IMMP2L: variants seen among roughly 807,000 people sequenced by gnomAD.
IMMP2L encodes mitochondrial inner membrane protease subunit 2.
Under a neutral mutation model 19.3 loss-of-function variants are expected in IMMP2L, and 18 were observed. The ratio of observed to expected loss-of-function variants is 0.93; its 90% confidence interval spans 0.64 to 1.38. IMMP2L has a LOEUF of 1.38. IMMP2L is among the 40% of genes most tolerant of loss of function. IMMP2L has a pLI of 0.00. For synonymous variants in IMMP2L, 76 were observed against 73.0 expected (o/e 1.04, Z -0.21); for missense variants, 233 against 218.2 (o/e 1.07, Z -0.43).
intron 3 of IMMP2L, among the ~76,000 whole-genome samples, chr7:111,462,346 G>A (rs1840207722): frequency 6.6e-6 from 1 of 151,978 alleles, no homozygotes; most frequent in Non-Finnish European, 1.5e-5. Context: ...ACAGCTTTGT[G>A]CCCAATGGTT....
chr7:111,260,169 G>A (rs1817166146), intron 3 of IMMP2L, among the ~76,000 whole-genome samples: 1 of 152,152 alleles, frequency 6.6e-6, no homozygotes, highest in African/African-American at 2.4e-5. Flanking sequence ...TCATGATCAA[G>A]GATTACGTAA....
intron 3 of IMMP2L, among the ~76,000 whole-genome samples, chr7:111,353,744 C>CA (rs1357733698): frequency 4.6e-5 from 7 of 151,888 alleles, no homozygotes; most frequent in Admixed American, 2.0e-4. Flanking sequence ...TACACATACA[C>CA]AAAAAAGGAC....
intron 3 of IMMP2L, among the ~76,000 whole-genome samples, chr7:111,473,501 T>G (rs1841452214): frequency 6.6e-6 from 1 of 152,202 alleles, no homozygotes; most frequent in African/African-American, 2.4e-5. Context: ...TAGCAGATGC[T>G]AAGTGTCCCA....
chr7:110,713,860 T>C (rs954155282), intron 5 of IMMP2L, among the ~76,000 whole-genome samples: 1 of 152,194 alleles, frequency 6.6e-6, no homozygotes, highest in Admixed American at 6.5e-5. Context: ...TATACAATCA[T>C]ATCATCAGTG....
chr7:110,895,822 T>C (rs2129546635), intron 4 of IMMP2L, among the ~76,000 whole-genome samples: 1 of 152,308 alleles, frequency 6.6e-6, no homozygotes, highest in Non-Finnish European at 1.5e-5. Flanking sequence ...TCCCAGTTTT[T>C]CATTGTACTA....
intron 3 of IMMP2L, among the ~76,000 whole-genome samples, chr7:111,012,131 G>A (rs1825029457): frequency 6.6e-6 from 1 of 152,108 alleles, no homozygotes; most frequent in African/African-American, 2.4e-5. Context: ...GAAATGTAAT[G>A]CAGATCAAAG....
chr7:110,887,997 A>G (rs1810405864), intron 4 of IMMP2L, among the ~76,000 whole-genome samples: 1 of 152,010 alleles, frequency 6.6e-6, no homozygotes, highest in South Asian at 2.1e-4. Flanking sequence ...TGCTACAGAA[A>G]CTGAAACTAT....
rs1470123936 is a variant in IMMP2L at position 110,706,491 on chromosome 7, GC to G, written c.409-42771del. ...TTACCACCAACAGTGTATAAGCATT[GC>G]CTTTACTCTGCAGCCTCACCAGCAT... On this transcript the variant is annotated intron_variant, in intron 5 of 5. Coordinates refer to ENST00000405709, the MANE Select transcript of IMMP2L (RefSeq NM_032549.4). Among the ~76,000 whole-genome samples, 3 of 152,088 alleles carry G rather than the reference GC, an allele frequency of 2.0e-5. No homozygotes were observed. In the East Asian group the frequency reaches 5.8e-4, roughly 29 times the overall value.
At position 111,313,363 on chromosome 7, in the gene IMMP2L, T is replaced by C. The variant is rs117906803; in HGVS notation, c.239+173875A>G. 3.5e-4 allele frequency among the ~76,000 whole-genome samples: 53 copies of C among 152,292 alleles called. 1 individual carries two copies. The East Asian group carries it at 8.7e-3, about 25-fold the overall frequency. On this transcript the variant is annotated intron_variant, in intron 3 of 5. Coordinates refer to ENST00000405709, the MANE Select transcript of IMMP2L (RefSeq NM_032549.4). ...TGGCATGTGTGGTTCACAGGTTTTA[T>C]ATCTTTGCAGTAGAGTGTGGAAGGG...
intron 4 of IMMP2L, among the ~76,000 whole-genome samples, chr7:110,938,978 A>G (rs1390073353): frequency 6.6e-6 from 1 of 152,198 alleles, no homozygotes; most frequent in African/African-American, 2.4e-5. Context: ...CACTTCACAT[A>G]TGAACATACA....
chr7:110,945,725 G>A (rs968004088), intron 4 of IMMP2L, among the ~76,000 whole-genome samples: 1 of 150,746 alleles, frequency 6.6e-6, no homozygotes, highest in African/African-American at 2.4e-5. Context: ...TTGTAATCAC[G>A]GAGAGGTCAG....
intron 5 of IMMP2L, among the ~76,000 whole-genome samples, chr7:110,874,924 C>T (rs1045465159): frequency 2.6e-5 from 4 of 151,942 alleles, no homozygotes; most frequent in Non-Finnish European, 2.9e-5. Context: ...TTTTTCCACA[C>T]AGAGCAGGAG....
chr7:111,380,368 A>C (rs1035840759), intron 3 of IMMP2L, among the ~76,000 whole-genome samples: 2 of 151,994 alleles, frequency 1.3e-5, no homozygotes, highest in Non-Finnish European at 2.9e-5. Context: ...AATATGAGCA[A>C]GCTAATCGTG....
intron 5 of IMMP2L, among the ~76,000 whole-genome samples, chr7:110,859,699 T>A (rs961246803): frequency 4.0e-5 from 6 of 150,542 alleles, no homozygotes; most frequent in African/African-American, 1.5e-4. Flanking sequence ...GCTGAGATTG[T>A]GCCACTGAAA....
intron 3 of IMMP2L, among the ~76,000 whole-genome samples, chr7:111,109,809 T>C (rs1798981735): frequency 6.6e-6 from 1 of 152,138 alleles, no homozygotes; most frequent in Non-Finnish European, 1.5e-5. Context: ...TGTTATATGA[T>C]GGAAAACTGA....
chr7:111,112,010 C>G (rs374389332), intron 3 of IMMP2L, among the ~76,000 whole-genome samples: 1 of 125,218 alleles, frequency 8.0e-6, no homozygotes. Context: ...TGCAGTGGTG[C>G]GATCTCGGCT....
At chr7:111,301,921 T>TAAAAAAAAAA (rs59156229) in intron 3 of IMMP2L, among the ~76,000 whole-genome samples, 2 of 83,156 alleles carry the variant, frequency 2.4e-5, no homozygotes, top group Non-Finnish European at 2.1e-5. Context: ...TTTCATGCTT[T>TAAAAAAAAAA]AAAAAAAAAA....
At chr7:110,890,775 C>T (rs1349019750) in intron 4 of IMMP2L, among the ~76,000 whole-genome samples, 1 of 152,074 alleles carries the variant, frequency 6.6e-6, no homozygotes, top group African/African-American at 2.4e-5. Flanking sequence ...TTTAGTACTA[C>T]CTTTACCAAG....
chr7:111,447,698 C>A (rs1287942155), intron 3 of IMMP2L, among the ~76,000 whole-genome samples: 1 of 151,388 alleles, frequency 6.6e-6, no homozygotes, highest in Admixed American at 6.6e-5. Flanking sequence ...ATCAAATTCA[C>A]ACATAACAAT....
Sources: gnomAD v4.1 joint callset for allele counts (sites outside exome capture counted in the v4.1 genomes callset) on GRCh38, gnomAD v4.1.1 for gene constraint, MANE v1.5 for transcripts, NCBI Gene and HGNC (gene_info 2026-07-23, HGNC 2026-07-21) for gene names.